LRMDA: variants seen among roughly 807,000 people sequenced by gnomAD.
LRMDA encodes the protein leucine-rich melanocyte differentiation-associated protein.
A neutral mutation model predicts 29.8 loss-of-function variants in LRMDA; 18 were observed. That is an observed-to-expected ratio of 0.60 (90% CI 0.42 to 0.90). The LOEUF is 0.90. LRMDA is among the 40% of genes least tolerant of loss of function. The pLI, the probability that LRMDA is intolerant of heterozygous loss-of-function variation, is 0.00. For missense variants in LRMDA, 273 were observed against 273.9 expected (o/e 1.00, Z 0.02); for synonymous variants, 125 against 109.4 (o/e 1.14, Z -0.89).
intron 2 of LRMDA, among the ~76,000 whole-genome samples, chr10:75,814,263 A>G (rs1468623622): frequency 2.0e-5 from 3 of 152,224 alleles, no homozygotes; most frequent in African/African-American, 4.8e-5. Context: ...GTCACTAGCC[A>G]GACCACACAT....
At chr10:75,515,642 A>G (rs1845280006) in intron 2 of LRMDA, among the ~76,000 whole-genome samples, 1 of 152,088 alleles carries the variant, frequency 6.6e-6, no homozygotes, top group Admixed American at 6.6e-5. Flanking sequence ...GGTCTCTCAA[A>G]GAGCTGGGAA....
chr10:76,181,836 T>G (rs1851055713), intron 5 of LRMDA, among the ~76,000 whole-genome samples: 1 of 152,220 alleles, frequency 6.6e-6, no homozygotes, highest in Admixed American at 6.5e-5. Flanking sequence ...GGGGTGCTTG[T>G]TGTCTAGAAA....
At chr10:76,095,274 T>A (rs532083759) in intron 5 of LRMDA, among the ~76,000 whole-genome samples, 1 of 152,342 alleles carries the variant, frequency 6.6e-6, no homozygotes, top group South Asian at 2.1e-4. Context: ...TCATAACGCA[T>A]GTAAGATCTA....
At chr10:76,198,389 T>G (rs1851368979) in intron 5 of LRMDA, among the ~76,000 whole-genome samples, 1 of 152,252 alleles carries the variant, frequency 6.6e-6, no homozygotes, top group African/African-American at 2.4e-5. Flanking sequence ...GCATGTTTTC[T>G]CTTGGCATTG....
Position 75,589,765 on chromosome 10 carries a change from A to ATAT in LRMDA, c.131+151271_131+151272insTAT, listed in dbSNP as rs1554814520. Among the ~76,000 whole-genome samples the ATAT allele has an allele frequency of 2.1e-4, 30 of 144,888 alleles. No homozygotes were observed. The East Asian group carries it at 2.2e-3, about 11-fold the overall frequency. On this transcript the variant is annotated intron_variant, in intron 2 of 6. Coordinates refer to ENST00000611255, the MANE Select transcript of LRMDA (RefSeq NM_001305581.2). ...GGAGATAGAGACCCTGTCTAAAAAA[A>ATAT]ATATATATATATAGAGAGAGAGAGA...
chr10:76,464,373 G>A (rs908693749), intron 6 of LRMDA, among the ~76,000 whole-genome samples: 4 of 152,108 alleles, frequency 2.6e-5, no homozygotes, highest in African/African-American at 9.7e-5. Flanking sequence ...TGGACGAGTG[G>A]CGAGAGACTA....
chr10:76,362,251 G>A (rs181708226), intron 6 of LRMDA, among the ~76,000 whole-genome samples: 94 of 152,298 alleles, frequency 6.2e-4, no homozygotes, highest in Admixed American at 9.1e-4. Flanking sequence ...AAATGTGATC[G>A]TGATTTTTGT....
intron 6 of LRMDA, among the ~76,000 whole-genome samples, chr10:76,529,268 G>A (rs749161931): frequency 2.0e-5 from 3 of 152,066 alleles, no homozygotes; most frequent in Non-Finnish European, 4.4e-5. Flanking sequence ...TTTTATAGTT[G>A]TGAAGGTCTT....
chr10:75,607,549 T>C (rs1422806466), intron 2 of LRMDA, among the ~76,000 whole-genome samples: 2 of 152,254 alleles, frequency 1.3e-5, no homozygotes. Context: ...TTTTAGTTTT[T>C]AACACATGAT....
chr10:75,610,215 ATTTAGTTCCAGCTTTATCACTT>A (rs1284853823), intron 2 of LRMDA, among the ~76,000 whole-genome samples: 1 of 152,188 alleles, frequency 6.6e-6, no homozygotes, highest in African/African-American at 2.4e-5. Context: ...TGTCACCACT[ATTTAGTTCCAGCTTTATCACTT>A]TTAAGTATAG....
At chr10:76,351,522 AG>A (rs1841176165) in intron 6 of LRMDA, among the ~76,000 whole-genome samples, 1 of 152,012 alleles carries the variant, frequency 6.6e-6, no homozygotes, top group Non-Finnish European at 1.5e-5. Flanking sequence ...CCAAGCTGTG[AG>A]GGTTTCTGCC....
chr10:76,427,725 A>T (rs1027471879), intron 6 of LRMDA, among the ~76,000 whole-genome samples: 5 of 152,172 alleles, frequency 3.3e-5, no homozygotes, highest in African/African-American at 4.8e-5. Context: ...ATTCAGTATG[A>T]TATTGGCTGT....
intron 6 of LRMDA, among the ~76,000 whole-genome samples, chr10:76,383,424 T>TTTTTTTTTTTCTTTTTTC (rs1841618135): frequency 3.7e-5 from 5 of 133,978 alleles, no homozygotes; most frequent in African/African-American, 1.5e-4. Flanking sequence ...TCTTTTTTTT[T>TTTTTTTTTTTCTTTTTTC]TTTTTTTTTT....
chr10:76,052,660 T>C (rs1003208219), intron 4 of LRMDA, among the ~76,000 whole-genome samples: 1 of 152,232 alleles, frequency 6.6e-6, no homozygotes, highest in Admixed American at 6.5e-5. Context: ...GAACATTCTA[T>C]GTGAGAAGAA....
At chr10:75,694,722 G>A (rs142002474) in intron 2 of LRMDA, among the ~76,000 whole-genome samples, 4 of 152,240 alleles carry the variant, frequency 2.6e-5, no homozygotes, top group African/African-American at 9.6e-5. Context: ...GAGGAGCAGT[G>A]TGGCGTTTTC....
At chr10:76,508,973 T>C (rs1842984208) in intron 6 of LRMDA, among the ~76,000 whole-genome samples, 1 of 152,186 alleles carries the variant, frequency 6.6e-6, no homozygotes, top group Non-Finnish European at 1.5e-5. Context: ...TCTCTGAGTC[T>C]TCTTTTCCTT....
intron 6 of LRMDA, among the ~76,000 whole-genome samples, chr10:76,466,808 A>G (rs1842569077): frequency 6.6e-6 from 1 of 152,170 alleles, no homozygotes; most frequent in Non-Finnish European, 1.5e-5. Context: ...AAGAAAAGAA[A>G]AAAGAAAATA....
At chr10:75,781,538 ATTGAT>A (rs1352372676) in intron 2 of LRMDA, among the ~76,000 whole-genome samples, 10 of 152,188 alleles carry the variant, frequency 6.6e-5, no homozygotes, top group Admixed American at 5.2e-4. Flanking sequence ...ACATTTCTGT[ATTGAT>A]TTAAGATTTA....
At chr10:75,796,259 A>T (rs191744904) in intron 2 of LRMDA, among the ~76,000 whole-genome samples, 2 of 152,196 alleles carry the variant, frequency 1.3e-5, no homozygotes, top group Non-Finnish European at 2.9e-5. Flanking sequence ...TCTTTGCCTC[A>T]TTCTTAGTAT....
Sources: allele counts gnomAD v4.1 joint callset (sites outside exome capture counted in the v4.1 genomes callset), GRCh38; gene constraint gnomAD v4.1.1; transcripts MANE v1.5; gene names NCBI Gene and HGNC (gene_info 2026-07-23, HGNC 2026-07-21).